NRG3: variants seen among roughly 807,000 people sequenced by gnomAD.
The protein encoded by NRG3 is pro-neuregulin-3, membrane-bound isoform.
A neutral mutation model predicts 66.9 loss-of-function variants in NRG3; 31 were observed. The ratio of observed to expected loss-of-function variants is 0.46; its 90% CI spans 0.35 to 0.63. The LOEUF (loss-of-function observed/expected upper bound fraction) is 0.63, where lower values mean the gene tolerates loss of function less well. Among genes scored for constraint, NRG3 ranks in the 20% least tolerant of loss-of-function variants. The pLI, the probability that NRG3 is intolerant of heterozygous loss-of-function variation, is 0.00. For synonymous variants in NRG3, 393 were observed against 359.4 expected (o/e 1.09, Z -1.06); for missense variants, 910 against 878.9 (o/e 1.04, Z -0.45).
At chr10:82,787,448 G>C (rs559943723) in intron 3 of NRG3, among the ~76,000 whole-genome samples, 2 of 152,300 alleles carry the variant, frequency 1.3e-5, no homozygotes, top group African/African-American at 2.4e-5. Context: ...TAAACAAGGA[G>C]GAGCCTTTGT....
chr10:82,238,559 A>C (rs1289923575), intron 1 of NRG3, among the ~76,000 whole-genome samples: 1 of 152,018 alleles, frequency 6.6e-6, no homozygotes, highest in Non-Finnish European at 1.5e-5. Context: ...GACTTTTTGC[A>C]TCATCCAGTT....
At chr10:81,930,010 T>A (rs1847187180) in intron 1 of NRG3, among the ~76,000 whole-genome samples, 1 of 152,014 alleles carries the variant, frequency 6.6e-6, no homozygotes, top group South Asian at 2.1e-4. Flanking sequence ...TATCCCAGAG[T>A]CTCTGCTCCT....
rs1367966881 is a variant in NRG3, at chr10:82,250,021, T to C, written c.824-108718T>C. ...GGTGACCCGTCAGAATAAGAAGTAC[T>C]TCCTCTCCAGAGGTCCTGGCTTGTT... On this transcript the variant is annotated intron_variant, in intron 1 of 8. Coordinates refer to ENST00000372141, the MANE Select transcript of NRG3 (RefSeq NM_001010848.4). 2.6e-5 allele frequency among the ~76,000 whole-genome samples: 4 copies of C among 152,138 alleles called. No homozygotes were observed. In the East Asian group the frequency reaches 7.7e-4, roughly 29 times the overall value.
chr10:82,019,554 A>C (rs2061960155), intron 1 of NRG3, among the ~76,000 whole-genome samples: 1 of 152,122 alleles, frequency 6.6e-6, no homozygotes, highest in African/African-American at 2.4e-5. Context: ...TCGGCTGTGA[A>C]TCCATCTGGT....
At chr10:82,033,530 CTTCT>C (rs989859524) in intron 1 of NRG3, among the ~76,000 whole-genome samples, 3 of 152,096 alleles carry the variant, frequency 2.0e-5, no homozygotes, top group African/African-American at 4.8e-5. Flanking sequence ...CTCAGTCCTT[CTTCT>C]TTAAGACCAG....
intron 1 of NRG3, among the ~76,000 whole-genome samples, chr10:81,970,911 G>T (rs929039144): frequency 1.3e-5 from 2 of 152,160 alleles, no homozygotes; most frequent in East Asian, 1.9e-4. Context: ...AGGTCAAGGC[G>T]GCTGGATTGC....
intron 4 of NRG3, among the ~76,000 whole-genome samples, chr10:82,898,405 C>T (rs910310231): frequency 6.6e-6 from 1 of 152,146 alleles, no homozygotes; most frequent in Non-Finnish European, 1.5e-5. Context: ...GTGTCAGGAG[C>T]CTCACCTGGA....
intron 1 of NRG3, among the ~76,000 whole-genome samples, chr10:82,297,934 G>A (rs1314444850): frequency 6.6e-6 from 1 of 151,984 alleles, no homozygotes; most frequent in Non-Finnish European, 1.5e-5. Context: ...TTGAGCTCAG[G>A]AGCTTGAGAT....
At chr10:82,032,412 T>G (rs953352267) in intron 1 of NRG3, among the ~76,000 whole-genome samples, 1 of 128,874 alleles carries the variant, frequency 7.8e-6, no homozygotes, top group Non-Finnish European at 1.7e-5. Flanking sequence ...TGTTGTTGTT[T>G]TTTCTAATGC....
intron 4 of NRG3, among the ~76,000 whole-genome samples, chr10:82,872,731 T>A (rs1056045839): frequency 7.1e-6 from 1 of 141,648 alleles, no homozygotes; most frequent in Non-Finnish European, 1.6e-5. Flanking sequence ...AGATACGATA[T>A]GAAAAAAAAA....
chr10:82,557,479 GT>G (rs1248329243), intron 2 of NRG3, among the ~76,000 whole-genome samples: 1 of 151,616 alleles, frequency 6.6e-6, no homozygotes, highest in Admixed American at 6.6e-5. Flanking sequence ...ACTTTTTAAT[GT>G]TTTTTTCTTG....
chr10:81,939,703 TAA>T (rs56890949), intron 1 of NRG3, among the ~76,000 whole-genome samples: 28,830 of 145,800 alleles, frequency 0.2, 3,355 homozygotes, highest in East Asian at 0.42. Context: ...TTGATCTTAT[TAA>T]AAAAAAAAAA....
In NRG3 at chr10:81,875,767, G is replaced by T. The variant is rs750139972; in HGVS notation, c.427G>T (p.Gly143Trp). The part of the protein sequence containing the change: ...STTSPATPSA[G>W]GAASSRTPNR... ...CACGTCCCCCGCCACCCCCTCCGCC[G>T]GGGGTGCCGCCTCCTCCAGGACGCC... is the stretch of plus-strand genomic sequence containing the variant. Residue 143 changes from glycine (G) to tryptophan (W), a missense_variant, in exon 1 of 9, where the codon GGG (glycine) becomes TGG (tryptophan). Gly to Trp is a radical substitution (Grantham distance 184). Coordinates refer to ENST00000372141, the MANE Select transcript of NRG3 (RefSeq NM_001010848.4). The surrounding 1 kb of genome is among the most constrained non-coding windows in gnomAD (Gnocchi z 5.3). The T allele has an allele frequency of 1.9e-6, 3 of 1,611,754 alleles. No individual in the cohort carries two copies. The highest frequency in any genetic ancestry group is 2.2e-5 in the South Asian group (2 of 91,060).
intron 2 of NRG3, among the ~76,000 whole-genome samples, chr10:82,400,570 CT>C (rs59452570): frequency 1.9e-3 from 262 of 139,760 alleles, no homozygotes; most frequent in Middle Eastern, 3.7e-3. Context: ...GAGGCAGATT[CT>C]TTTTTTTTTT....
intron 2 of NRG3, among the ~76,000 whole-genome samples, chr10:82,715,925 A>G (rs776278917): frequency 1.3e-5 from 2 of 152,122 alleles, no homozygotes; most frequent in African/African-American, 2.4e-5. Flanking sequence ...ACAGGGGGCT[A>G]GCTCTCTAGC....
Position 82,069,335 on chromosome 10 carries a change from C to T in NRG3, c.823+193172C>T, listed in dbSNP as rs532409481. On this transcript the variant is annotated intron_variant, in intron 1 of 8. Coordinates refer to ENST00000372141, the MANE Select transcript of NRG3 (RefSeq NM_001010848.4). ...GGCAAAGCGTGACACAGTGAAATAA[C>T]AGGTACTGATGTTGAGACTTGTGAG... Among the ~76,000 whole-genome samples the T allele has an allele frequency of 2.0e-5, 3 of 152,280 alleles. No individual in the cohort carries two copies. In the South Asian group the frequency reaches 6.2e-4, roughly 32 times the overall value.
intron 2 of NRG3, among the ~76,000 whole-genome samples, chr10:82,465,063 TTTTG>T (rs1186653338): frequency 3.9e-5 from 6 of 152,102 alleles, no homozygotes; most frequent in Admixed American, 3.9e-4. Flanking sequence ...AGGAACTGGT[TTTTG>T]TTTGTTTGTT....
intron 1 of NRG3, among the ~76,000 whole-genome samples, chr10:81,983,948 A>C (rs2060428306): frequency 1.3e-5 from 2 of 152,166 alleles, no homozygotes; most frequent in South Asian, 4.1e-4. Context: ...GAACTGCTAT[A>C]ATCACAGTTG....
chr10:82,175,320 G>GA (rs1338009406), intron 1 of NRG3, among the ~76,000 whole-genome samples: 1 of 151,824 alleles, frequency 6.6e-6, no homozygotes, highest in Non-Finnish European at 1.5e-5. Flanking sequence ...CTTTCTTATT[G>GA]AAAAAAAACT....
Sources: gnomAD v4.1 joint callset for allele counts (sites outside exome capture counted in the v4.1 genomes callset) on GRCh38, gnomAD v4.1.1 for gene constraint, Gnocchi (gnomAD v3.1) non-coding constraint, MANE v1.5 for transcripts, NCBI Gene and HGNC (gene_info 2026-07-23, HGNC 2026-07-21) for gene names.